The following NDRG1 variants were observed in gnomAD, a reference collection of about 807,000 sequenced individuals.
NDRG1 encodes the protein N-myc downstream regulated 1, also known as protein NDRG1.
NDRG1 carries 32 observed loss-of-function variants against 56.9 expected under a neutral mutation model. The ratio of observed to expected loss-of-function variants is 0.56; its 90% CI spans 0.42 to 0.76. The LOEUF (loss-of-function observed/expected upper bound fraction) is 0.76, where lower values mean the gene tolerates loss of function less well. NDRG1 is among the 30% of genes least tolerant of loss of function. The pLI, the probability that NDRG1 is intolerant of heterozygous loss-of-function variation, is 0.00. For synonymous variants in NDRG1, 211 were observed against 204.1 expected, an observed-to-expected ratio of 1.03 and a Z score of -0.29; for missense variants, 507 against 545.7, an observed-to-expected ratio of 0.93 and a Z score of 0.71.
intron 1 of NDRG1, among the ~76,000 whole-genome samples, chr8:133,285,333 C>T (rs116440136): frequency 8.6e-4 from 131 of 152,274 alleles, no homozygotes; most frequent in African/African-American, 2.9e-3. Flanking sequence ...AGAGGACCGG[C>T]GGAGAAGAAG....
chr8:133,264,487 CT>C, intron 4 of NDRG1, 59 bp downstream of exon 4: 25 of 1,529,510 alleles, frequency 1.6e-5, no homozygotes, highest in Non-Finnish European at 2.2e-5. Context: ...TCTCGGCTGC[CT>C]TTTTCCGCCA....
At chr8:133,265,453 A>G (rs1434784328) in intron 3 of NDRG1, among the ~76,000 whole-genome samples, 1 of 152,190 alleles carries the variant, frequency 6.6e-6, no homozygotes, top group Non-Finnish European at 1.5e-5. Flanking sequence ...ATTTTCAGTT[A>G]CACGGCCCAC....
At chr8:133,272,490 G>A (rs1857245290) in intron 3 of NDRG1, among the ~76,000 whole-genome samples, 1 of 152,206 alleles carries the variant, frequency 6.6e-6, no homozygotes, top group Non-Finnish European at 1.5e-5. Flanking sequence ...CACGCGAGTA[G>A]CAAATGACAG....
chr8:133,287,345 G>T (rs979562063), intron 1 of NDRG1, among the ~76,000 whole-genome samples: 2 of 152,116 alleles, frequency 1.3e-5, no homozygotes, highest in South Asian at 2.1e-4. Context: ...AAGCAGGATG[G>T]AAAACTCAGG....
chr8:133,273,523 T>A (rs1857298032), intron 3 of NDRG1, among the ~76,000 whole-genome samples: 1 of 152,204 alleles, frequency 6.6e-6, no homozygotes, highest in African/African-American at 2.4e-5. Context: ...CAACAAGGTT[T>A]CATGAGGATC....
chr8:133,269,172 A>G (rs1857066666), intron 3 of NDRG1, among the ~76,000 whole-genome samples: 1 of 152,172 alleles, frequency 6.6e-6, no homozygotes, highest in African/African-American at 2.4e-5. Context: ...CTTGCCTGAG[A>G]GAGCAAATTG....
intron 13 of NDRG1, among the ~76,000 whole-genome samples, chr8:133,245,090 C>T (rs1448849375): frequency 3.3e-5 from 5 of 152,220 alleles, no homozygotes; most frequent in Non-Finnish European, 5.9e-5. Flanking sequence ...CAAGTCTGGA[C>T]CCCCAACACT....
chr8:133,251,385 G>A (rs1026397483), intron 9 of NDRG1, among the ~76,000 whole-genome samples: 3 of 152,224 alleles, frequency 2.0e-5, no homozygotes, highest in Non-Finnish European at 2.9e-5. Context: ...AGGCAGCAAG[G>A]AGGTCAACTG....
intron 6 of NDRG1, 77 bp downstream of exon 6, chr8:133,259,091 T>A (rs1330408002): frequency 6.6e-7 from 1 of 1,508,584 alleles, no homozygotes; most frequent in Non-Finnish European, 9.2e-7. Context: ...TCAGTCCAGA[T>A]CAAAGCCAAG....
At chr8:133,279,499 G>A (rs1857658194) in intron 3 of NDRG1, among the ~76,000 whole-genome samples, 1 of 152,230 alleles carries the variant, frequency 6.6e-6, no homozygotes, top group Admixed American at 6.5e-5. Flanking sequence ...GGACACCTGT[G>A]CAACACATGG....
intron 3 of NDRG1, 24 bp from the exon 4 acceptor site, chr8:133,264,676 G>A: frequency 6.2e-7 from 1 of 1,601,496 alleles, no homozygotes; most frequent in Non-Finnish European, 8.6e-7. Context: ...GCAGACAGTG[G>A]GCTGGTCATG....
At chr8:133,245,704 A>AAT (rs1006860244) in intron 13 of NDRG1, among the ~76,000 whole-genome samples, 3 of 152,186 alleles carry the variant, frequency 2.0e-5, no homozygotes, top group Non-Finnish European at 2.9e-5. Flanking sequence ...ACTAAAAGGG[A>AAT]ATAAATATCT....
chr8:133,261,084 C>A (rs1856638516), intron 5 of NDRG1, among the ~76,000 whole-genome samples: 1 of 152,194 alleles, frequency 6.6e-6, no homozygotes, highest in Admixed American at 6.5e-5. Flanking sequence ...TCAAAGCCAA[C>A]TCCCCAGTCA....
chr8:133,279,218 A>T (rs1040331981), intron 3 of NDRG1, among the ~76,000 whole-genome samples: 1 of 152,092 alleles, frequency 6.6e-6, no homozygotes, highest in Non-Finnish European at 1.5e-5. Flanking sequence ...GGTCAGGGTG[A>T]TCTCTAGGGA....
chr8:133,292,459 G>T (rs923987986), intron 1 of NDRG1, among the ~76,000 whole-genome samples: 3 of 152,152 alleles, frequency 2.0e-5, no homozygotes, highest in Non-Finnish European at 4.4e-5. Flanking sequence ...AGGTTTCATG[G>T]GAGACATGGA....
intron 5 of NDRG1, among the ~76,000 whole-genome samples, chr8:133,261,230 C>T (rs1171899510): frequency 2.0e-5 from 3 of 152,112 alleles, no homozygotes; most frequent in African/African-American, 7.2e-5. Flanking sequence ...CTAAGCCTCC[C>T]GAGTAGCAGG....
chr8:133,257,750 T>C (rs922333571), intron 7 of NDRG1, among the ~76,000 whole-genome samples: 1 of 152,212 alleles, frequency 6.6e-6, no homozygotes, highest in Non-Finnish European at 1.5e-5. Flanking sequence ...AGAGCCTATA[T>C]GGCCAGACCA....
At chr8:133,261,058 G>A (rs578248430) in intron 5 of NDRG1, among the ~76,000 whole-genome samples, 23 of 152,188 alleles carry the variant, frequency 1.5e-4, no homozygotes, top group Non-Finnish European at 2.9e-4. Flanking sequence ...GAGGATACAC[G>A]TCTCAGTAGA....
intron 13 of NDRG1, 65 bp downstream of exon 13, chr8:133,246,551 T>G: frequency 1.3e-6 from 2 of 1,529,178 alleles, no homozygotes; most frequent in Non-Finnish European, 9.1e-7. Flanking sequence ...TAACTCAATG[T>G]TGCAGAAAAC....
Sources: gnomAD v4.1 joint callset for allele counts (sites outside exome capture counted in the v4.1 genomes callset) on GRCh38, gnomAD v4.1.1 for gene constraint, MANE v1.5 for transcripts, NCBI Gene and HGNC (gene_info 2026-07-23, HGNC 2026-07-21) for gene names.